Variants in NCR1 observed in about 807,000 individuals in gnomAD.
The protein encoded by NCR1 is NK cell-activating receptor.
A neutral mutation model predicts 32.5 loss-of-function variants in NCR1; 30 were observed. The observed-to-expected ratio is 0.92, with a 90% CI of 0.69 to 1.25. The LOEUF is 1.25. NCR1 is among the 50% of genes most tolerant of loss of function. NCR1 has a pLI of 0.00. For synonymous variants in NCR1, 169 were observed against 143.4 expected, an observed-to-expected ratio of 1.18 and a Z score of -1.28; for missense variants, 369 against 380.7, an observed-to-expected ratio of 0.97 and a Z score of 0.26.
At chr19:54,913,533 T>C (rs2146097193), downstream of NCR1, among the ~76,000 whole-genome samples, 1 of 152,316 alleles carries the variant, frequency 6.6e-6, no homozygotes. Context: ...CTTTCCTTTC[T>C]CTGCAGGAAG....
chr19:54,931,837 A>G, the NCR1 span, among the ~76,000 whole-genome samples: 1 of 125,168 alleles, frequency 8.0e-6, no homozygotes, highest in Non-Finnish European at 1.6e-5. Context: ...TGACAGAGAG[A>G]GACTGTTAAA....
chr19:54,918,212 G>A (rs1008289072), downstream of NCR1, among the ~76,000 whole-genome samples: 6 of 151,946 alleles, frequency 3.9e-5, no homozygotes, highest in Non-Finnish European at 8.8e-5. Flanking sequence ...GATTACAGGT[G>A]TAAGCCACCG....
chr19:54,923,562 T>C, the NCR1 span: 4 of 719,818 alleles, frequency 5.6e-6, no homozygotes, highest in East Asian at 7.6e-5. Flanking sequence ...CATAGCGTCA[T>C]GTGAAGGGGG....
downstream of NCR1, chr19:54,916,010 C>G (rs146940509): frequency 2.4e-4 from 36 of 149,174 alleles, no homozygotes; most frequent in African/African-American, 8.9e-4. Flanking sequence ...TTGTATATTC[C>G]TAATAAGAAA....
chr19:54,910,943 C>T (rs2067939392), intron 5 of NCR1, among the ~76,000 whole-genome samples: 1 of 152,176 alleles, frequency 6.6e-6, no homozygotes. Flanking sequence ...TGCCTGTGCC[C>T]TGGGGCAGGA....
At position 54,906,727 on chromosome 19, in the gene NCR1, T is replaced by A. The variant is rs144737108; in HGVS notation, c.275T>A (p.Met92Lys). The change falls in exon 3 of 7, where the codon ATG becomes AAG. Residue 92 changes from methionine to lysine, a missense_variant. By Grantham distance (95) the Met-to-Lys change is moderately conservative. Transcript: ENST00000291890. The stretch of plus-strand genomic sequence containing the variant: ...TACATCCCGGACATGAACTCCCGCA[T>A]GGCAGGGCAATACAGCTGCATCTAT... ...QFYIPDMNSR[M>K]AGQYSCIYRV... 1 of 1,614,214 alleles carries A rather than the reference T, an allele frequency of 6.2e-7. No homozygotes were observed. Among genetic ancestry groups the A allele is most frequent in the Non-Finnish European group, 8.5e-7 (1 of 1,180,024 alleles).
chr19:54,904,125 C>CAAAAAAAAAAAAAAAAAAA (rs374694825), upstream of NCR1, among the ~76,000 whole-genome samples: 1 of 102,852 alleles, frequency 9.7e-6, no homozygotes, highest in African/African-American at 3.8e-5. Context: ...GACTCTGTCT[C>CAAAAAAAAAAAAAAAAAAA]AAAAAAAAAA....
At chr19:54,907,185 C>G (rs587678477) in intron 3 of NCR1, among the ~76,000 whole-genome samples, 2 of 149,070 alleles carry the variant, frequency 1.3e-5, no homozygotes, top group Admixed American at 1.3e-4. Context: ...GACGGAGTTT[C>G]GCTCTTGTCA....
chr19:54,932,426 C>CAAA, the NCR1 span, among the ~76,000 whole-genome samples: 42,810 of 140,644 alleles, frequency 0.3, 6,436 homozygotes, highest in Middle Eastern at 0.42. Context: ...AGACTTCATC[C>CAAA]AAAAAAAAAA....
At chr19:54,936,075 T>G in the NCR1 span, among the ~76,000 whole-genome samples, 1 of 152,084 alleles carries the variant, frequency 6.6e-6, no homozygotes, top group Non-Finnish European at 1.5e-5. Flanking sequence ...GATAGCTGGT[T>G]ATGCAACACA....
At chr19:54,906,890 A>T (rs912144656) in intron 3 of NCR1, 83 bp downstream of exon 3, 5 of 1,474,634 alleles carry the variant, frequency 3.4e-6, no homozygotes, top group Non-Finnish European at 4.6e-6. Context: ...TCCAAGCCCC[A>T]CTCAGACACT....
At chr19:54,910,359 C>A (rs997712875) in intron 5 of NCR1, among the ~76,000 whole-genome samples, 1 of 152,226 alleles carries the variant, frequency 6.6e-6, no homozygotes, top group East Asian at 1.9e-4. Context: ...ATCACAAGGT[C>A]AGGAATTCGA....
chr19:54,907,395 C>G (rs974927386), intron 3 of NCR1, among the ~76,000 whole-genome samples: 1 of 150,198 alleles, frequency 6.7e-6, no homozygotes, highest in Admixed American at 6.6e-5. Flanking sequence ...AGATGATCCG[C>G]CCGCCTCACC....
intron 4 of NCR1, 89 bp downstream of exon 4, chr19:54,909,612 C>A: frequency 6.8e-7 from 1 of 1,465,244 alleles, no homozygotes; most frequent in Non-Finnish European, 9.1e-7. Flanking sequence ...GGGAGGGTGT[C>A]CAAGGGACGT....
chr19:54,916,317 C>CTTTTTTTT (rs71181711), downstream of NCR1, among the ~76,000 whole-genome samples: 111 of 87,096 alleles, frequency 1.3e-3, 7 homozygotes, highest in South Asian at 5.5e-3. Flanking sequence ...GAATATTGTG[C>CTTTTTTTT]TTTTTTTTTT....
intron 5 of NCR1, among the ~76,000 whole-genome samples, chr19:54,911,478 C>T (rs1044436675): frequency 2.6e-5 from 4 of 151,710 alleles, no homozygotes; most frequent in South Asian, 4.2e-4. Flanking sequence ...CGGGCTGGGC[C>T]GGGTGGCTCC....
chr19:54,906,359 G>T, intron 2 of NCR1, 25 bp downstream of exon 2: 1 of 1,612,292 alleles, frequency 6.2e-7, no homozygotes, highest in South Asian at 1.1e-5. Context: ...CAAAGCCCAG[G>T]GTCACTCTTC....
At chr19:54,909,196 G>C (rs1321507082) in intron 3 of NCR1, 49 bp from the exon 4 acceptor site, 2 of 1,537,364 alleles carry the variant, frequency 1.3e-6, no homozygotes, top group Admixed American at 4.0e-5. Flanking sequence ...AAAATAGCTG[G>C]CTGCTCATCA....
At chr19:54,898,965 G>A in the NCR1 span, among the ~76,000 whole-genome samples, 5 of 151,958 alleles carry the variant, frequency 3.3e-5, no homozygotes, top group African/African-American at 4.8e-5. Flanking sequence ...GACCCAGCTC[G>A]GCCTGGCGAG....
Sources: allele counts gnomAD v4.1 joint callset (sites outside exome capture counted in the v4.1 genomes callset), GRCh38; gene constraint gnomAD v4.1.1; transcripts MANE v1.5; gene names NCBI Gene and HGNC (gene_info 2026-07-23, HGNC 2026-07-21).